The following PDGFRB variants were observed in gnomAD, a reference collection of about 807,000 sequenced individuals.
PDGFRB encodes platelet-derived growth factor receptor beta.
PDGFRB carries 42 observed loss-of-function variants against 120.2 expected under a neutral mutation model. The ratio of observed to expected loss-of-function variants is 0.35; its 90% confidence interval spans 0.27 to 0.45. PDGFRB has a LOEUF of 0.45. Among genes scored for constraint, PDGFRB ranks in the 20% least tolerant of loss-of-function variants. The pLI is 1.00. For missense variants in PDGFRB, 1,149 were observed against 1,476.3 expected, an observed-to-expected ratio of 0.78 and a Z score of 3.63; for synonymous variants, 586 against 606.8, an observed-to-expected ratio of 0.97 and a Z score of 0.50.
chr5:150,124,612 TG>T, intron 13 of PDGFRB, 114 bp downstream of exon 13: 1 of 630,866 alleles, frequency 1.6e-6, no homozygotes, highest in South Asian at 1.9e-5. Context: ...TGCAGTGTGA[TG>T]GCCCCTCTAG....
chr5:150,145,796 G>T (rs1010876962), intron 1 of PDGFRB, among the ~76,000 whole-genome samples: 2 of 152,182 alleles, frequency 1.3e-5, no homozygotes, highest in Admixed American at 1.3e-4. Flanking sequence ...AGCTTCTCGG[G>T]AGGCTGAGTC....
Position 150,118,824 on chromosome 5 carries a change from C to T in PDGFRB, c.2827G>A (p.Glu943Lys). ...IYEIMQKCWE[E>K]KFEIRPPFSQ... ...AAGGGGGGCCGAATCTCAAACTTCT[C>T]TTCCCAGCACTTCTGCATGATCTCA... Residue 943 changes from glutamate to lysine, a missense_variant, in exon 21 of 23, where the codon GAG becomes AAG. Glu to Lys is a moderately conservative substitution (Grantham distance 56). Around this residue, in one of 3 missense-constraint regions of PDGFRB, gnomAD observed 202 missense variants for 214.3 expected, o/e 0.94. Coordinates refer to ENST00000261799, the MANE Select transcript of PDGFRB (RefSeq NM_002609.4). 1 of 1,612,646 alleles carries T rather than the reference C, an allele frequency of 6.2e-7. No individual in the cohort carries two copies. The highest frequency in any genetic ancestry group is 8.5e-7 in the Non-Finnish European group (1 of 1,178,694).
Position 150,122,920 on chromosome 5 carries a change from C to A in PDGFRB, c.2183+122G>T, listed in dbSNP as rs139968382. ...CCATCTTGTGGAACAGCCCTAGCTC[C>A]AGGAGTGATTCTGTCCCCTGCCCTG... is the stretch of plus-strand genomic sequence containing the variant. On this transcript the variant is annotated intron_variant, in intron 15 of 22. Transcript: ENST00000261799. The A allele has an allele frequency of 0.015, 12,692 of 848,406 alleles. 131 individuals are homozygous for A. Among genetic ancestry groups the A allele is most frequent in the Non-Finnish European group, 0.02 (10,304 of 527,900 alleles). 52.6% of individuals were successfully genotyped at this position (848,406 alleles called of 1,614,324 possible). A position where few individuals can be genotyped will look rare whatever the true frequency, so the allele number is the denominator to read the frequency against.
chr5:150,130,380 C>T (rs1240750796), intron 9 of PDGFRB, among the ~76,000 whole-genome samples, 159 bp downstream of exon 9: 1 of 152,172 alleles, frequency 6.6e-6, no homozygotes, highest in Non-Finnish European at 1.5e-5. Flanking sequence ...CCATTTAGGT[C>T]ATACAGAGTA....
chr5:150,142,893 C>T (rs1050324695), intron 1 of PDGFRB, among the ~76,000 whole-genome samples: 5 of 151,946 alleles, frequency 3.3e-5, no homozygotes, highest in African/African-American at 1.2e-4. Context: ...CTTGTGAAGA[C>T]GTGGAATGAC....
chr5:150,142,795 AAATAG>A (rs758409700), intron 1 of PDGFRB, among the ~76,000 whole-genome samples: 1 of 152,172 alleles, frequency 6.6e-6, no homozygotes, highest in Non-Finnish European at 1.5e-5. Flanking sequence ...AATAATAATA[AAATAG>A]AACAATGATA....
rs779370415 is a variant in PDGFRB at position 150,135,009 on chromosome 5, G to A, written c.372C>T (p.Thr124=). The stretch of plus-strand genomic sequence containing the variant: ...CGGCATCATTAGGGAGGAAGCCCAC[G>A]GTGGGATCTGCCAGGAGTGGAGCCG... The part of the protein sequence containing the change: ...KRLYIFVPDP[T]VGFLPNDAEE... The change falls in exon 4 of 23, where the codon ACC becomes ACT. Residue 124 remains threonine (T), a synonymous_variant. Coordinates refer to ENST00000261799, the MANE Select transcript of PDGFRB (RefSeq NM_002609.4). The A allele has an allele frequency of 3.4e-5, 53 of 1,557,556 alleles. No individual in the cohort carries two copies. In the South Asian group the frequency reaches 5.0e-4, roughly 15 times the overall value.
chr5:150,136,285 G>T (rs1347963378), intron 2 of PDGFRB, among the ~76,000 whole-genome samples: 3 of 152,332 alleles, frequency 2.0e-5, no homozygotes, highest in African/African-American at 7.2e-5. Context: ...CCAAGGCCCA[G>T]AGGTGGCTCT....
intron 21 of PDGFRB, 116 bp downstream of exon 21, chr5:150,118,629 CCA>C: frequency 7.0e-6 from 5 of 717,090 alleles, no homozygotes; most frequent in Non-Finnish European, 1.3e-5. Context: ...AAACTGAGGC[CCA>C]GAGAGGACAA....
intron 1 of PDGFRB, among the ~76,000 whole-genome samples, chr5:150,147,050 C>T (rs1365858375): frequency 6.6e-6 from 1 of 152,186 alleles, no homozygotes; most frequent in African/African-American, 2.4e-5. Context: ...TTAGGAAAGC[C>T]AGGGTCTGGC....
At chr5:150,144,728 C>T (rs1760874649) in intron 1 of PDGFRB, among the ~76,000 whole-genome samples, 1 of 152,100 alleles carries the variant, frequency 6.6e-6, no homozygotes, top group Admixed American at 6.5e-5. Context: ...GGCCTGGGTC[C>T]CCAGGAAGGC....
chr5:150,125,442 G>A lies in PDGFRB; in HGVS notation c.1807+3C>T, dbSNP rs1246729414. On this transcript the variant is annotated splice_donor_region_variant and intron_variant, in intron 12 of 22. Transcript: ENST00000261799. ...CTGCCACATGAGGCCTCTCAGGACT[G>A]ACCCAGCACAAGCTGGTCCCGCGGC... 6.2e-7 allele frequency: 1 copy of A among 1,610,980 alleles called. No individual in the cohort carries two copies. Among genetic ancestry groups the A allele is most frequent in the Non-Finnish European group, 8.5e-7 (1 of 1,177,902 alleles).
In PDGFRB at chr5:150,132,717, T is replaced by C. The variant is rs1350313909; in HGVS notation, c.1127+33A>G. ...CCTGGCGGCTGCAAAGAAAAATAAC[T>C]TCAAGAATGGGATGGGAGAGCGAGC... On this transcript the variant is annotated intron_variant, in intron 7 of 22. Coordinates refer to ENST00000261799, the MANE Select transcript of PDGFRB (RefSeq NM_002609.4). This position sits in a 1 kb window ranked among gnomAD's most constrained non-coding sequence, Gnocchi z 5.0. 1 of 1,592,356 alleles carries C rather than the reference T, an allele frequency of 6.3e-7. No homozygotes were observed. The highest frequency in any genetic ancestry group is 1.3e-5 in the African/African-American group (1 of 74,414).
At chr5:150,124,130 G>A (rs1030965670) in intron 14 of PDGFRB, 120 bp downstream of exon 14, 6 of 609,014 alleles carry the variant, frequency 9.9e-6, no homozygotes, top group Non-Finnish European at 1.7e-5. Context: ...GCTGGAGCGG[G>A]TGGGCACGGA....
Position 150,113,979 on chromosome 5 carries a change from C to T in PDGFRB, c.*1784G>A, listed in dbSNP as rs1459058820. 11 of 233,340 alleles carry T rather than the reference C, an allele frequency of 4.7e-5. No homozygotes were observed. Among genetic ancestry groups the T allele is most frequent in the Admixed American group, 5.6e-5 (1 of 17,776 alleles). 14.5% of individuals were successfully genotyped at this position (233,340 alleles called of 1,614,324 possible). A position where few individuals can be genotyped will look rare whatever the true frequency, so the allele number is the denominator to read the frequency against. ...CGTGAGTCCTAAAAATATTTGTAAACCTAGGTGATTATATCTTTGGTACCG... is the reference window on the plus strand; with the variant it reads ...CGTGAGTCCTAAAAATATTTGTAAATCTAGGTGATTATATCTTTGGTACCG... On this transcript the variant is annotated 3_prime_UTR_variant, in exon 23 of 23. Coordinates refer to ENST00000261799, the MANE Select transcript of PDGFRB (RefSeq NM_002609.4).
chr5:150,151,460 A>C (rs1214637563), intron 1 of PDGFRB, among the ~76,000 whole-genome samples: 1 of 152,216 alleles, frequency 6.6e-6, no homozygotes, highest in Non-Finnish European at 1.5e-5. Context: ...GCCTCTCATC[A>C]AGGGGATCTG....
At position 150,117,712 on chromosome 5, in the gene PDGFRB, T is replaced by G. The variant is rs1161686582; in HGVS notation, c.3043A>C (p.Asn1015His). ...ATGATATAGTCGTTGTCACCCTCAT[T>G]GGGCTGCACGGCAGTATAGAGGACG... is the stretch of plus-strand genomic sequence containing the variant. ...SSVLYTAVQP[N>H]EGDNDYIIPL... Residue 1015 changes from asparagine to histidine, a missense_variant, in exon 22 of 23, where the codon AAT becomes CAT. Coordinates refer to ENST00000261799, the MANE Select transcript of PDGFRB (RefSeq NM_002609.4). 6.2e-7 allele frequency: 1 copy of G among 1,613,696 alleles called. No individual in the cohort carries two copies.
rs755079420 is a variant in PDGFRB at position 150,125,463 on chromosome 5, G to A, written c.1789C>T (p.Arg597Trp). ...LPYDSTWELP[R>W]DQLVLGRTLG... ...GACTGACCCAGCACAAGCTGGTCCCGCGGCAGCTCCCACGTGGAGTCATAG... is the reference window on the plus strand; with the variant it reads ...GACTGACCCAGCACAAGCTGGTCCCACGGCAGCTCCCACGTGGAGTCATAG... Residue 597 changes from arginine to tryptophan, a missense_variant, in exon 12 of 23, where the codon CGG becomes TGG. Physicochemically the swap from Arg to Trp is moderately radical, Grantham distance 101 (BLOSUM62 -3). This residue lies in a region of PDGFRB where 879 missense variants were observed against 1,108.6 expected (regional missense o/e 0.79). Transcript: ENST00000261799. The A allele has an allele frequency of 6.2e-7, 1 of 1,611,992 alleles. No individual in the cohort carries two copies. The highest frequency in any genetic ancestry group is 8.5e-7 in the Non-Finnish European group (1 of 1,178,534).
chr5:150,116,101 C>T lies in PDGFRB; in HGVS notation c.3138-155G>A, dbSNP rs75565914. ...TGTGAAAACTATGCAAGGCCTGCAC[C>T]GTGAGGAAAGTGTGGCTCAGAGAGG... On this transcript the variant is annotated intron_variant, in intron 22 of 22. Transcript: ENST00000261799. Among the ~76,000 whole-genome samples, 375 of 152,280 alleles carry T rather than the reference C, an allele frequency of 2.5e-3. 1 individual carries two copies. The highest frequency in any genetic ancestry group is 8.5e-3 in the African/African-American group (355 of 41,554).
Sources: gnomAD v4.1 joint callset for allele counts (sites outside exome capture counted in the v4.1 genomes callset) on GRCh38, gnomAD v4.1.1 for gene constraint, gnomAD v4.1.1 regional missense constraint, Gnocchi (gnomAD v3.1) non-coding constraint, MANE v1.5 for transcripts, NCBI Gene and HGNC (gene_info 2026-07-23, HGNC 2026-07-21) for gene names.